SLC39A9: variants seen among roughly 807,000 people sequenced by gnomAD.
SLC39A9 encodes the protein solute carrier family 39 member 9.
SLC39A9 carries 14 observed loss-of-function variants against 28.4 expected under a neutral mutation model. The ratio of observed to expected loss-of-function variants is 0.49; its 90% confidence interval spans 0.33 to 0.77. The LOEUF (loss-of-function observed/expected upper bound fraction) is 0.77, where lower values mean the gene tolerates loss of function less well. SLC39A9 is among the 30% of genes least tolerant of loss of function. The probability of loss-of-function intolerance (pLI) is 0.02; values close to 1 mark genes in which losing one functional copy is unlikely to be tolerated. For synonymous variants in SLC39A9, 119 were observed against 149.6 expected (o/e 0.80, Z 1.49); for missense variants, 283 against 381.1 (o/e 0.74, Z 2.14).
intron 1 of SLC39A9, among the ~76,000 whole-genome samples, chr14:69,400,296 C>T (rs550097536): frequency 6.6e-6 from 1 of 152,190 alleles, no homozygotes; most frequent in Non-Finnish European, 1.5e-5. Flanking sequence ...AATCTATTTG[C>T]TTAGCAATGA....
chr14:69,437,594 G>GTT (rs533128992), intron 2 of SLC39A9, among the ~76,000 whole-genome samples: 442 of 143,432 alleles, frequency 3.1e-3, no homozygotes, highest in Middle Eastern at 7.2e-3. Context: ...TTTTTTGTTT[G>GTT]TTTTTTTTTT....
intron 1 of SLC39A9, among the ~76,000 whole-genome samples, chr14:69,406,933 C>G (rs1285428384): frequency 7.1e-6 from 1 of 140,246 alleles, no homozygotes; most frequent in Admixed American, 7.5e-5. Flanking sequence ...TCACTGCAAC[C>G]TCCCCTTCCC....
chr14:69,420,487 C>T (rs973148914), intron 1 of SLC39A9, among the ~76,000 whole-genome samples: 1 of 152,096 alleles, frequency 6.6e-6, no homozygotes, highest in African/African-American at 2.4e-5. Flanking sequence ...TGGGGTTGCT[C>T]TTCTCGAGGA....
intron 3 of SLC39A9, 102 bp from the exon 4 acceptor site, chr14:69,453,139 C>T: frequency 2.0e-6 from 2 of 993,494 alleles, no homozygotes; most frequent in Non-Finnish European, 3.1e-6. Flanking sequence ...GAGTTTGAGA[C>T]CAGCCTGGCC....
At chr14:69,451,857 A>C (rs912867986) in intron 3 of SLC39A9, among the ~76,000 whole-genome samples, 2 of 152,144 alleles carry the variant, frequency 1.3e-5, no homozygotes, top group African/African-American at 4.8e-5. Context: ...CTGGGACTAC[A>C]GGCATGCACC....
chr14:69,407,306 T>TC (rs1368864411), intron 1 of SLC39A9, among the ~76,000 whole-genome samples: 1 of 142,216 alleles, frequency 7.0e-6, no homozygotes, highest in Non-Finnish European at 1.5e-5. Flanking sequence ...TTCCTTCCCT[T>TC]CCTTCCTTCC....
chr14:69,453,585 G>C (rs1194966529), intron 4 of SLC39A9, among the ~76,000 whole-genome samples: 3 of 152,106 alleles, frequency 2.0e-5, no homozygotes, highest in South Asian at 4.1e-4. Flanking sequence ...TCAAATTAAG[G>C]AAGTTTTATT....
intron 1 of SLC39A9, among the ~76,000 whole-genome samples, chr14:69,405,165 A>G (rs1298150627): frequency 6.6e-6 from 1 of 152,152 alleles, no homozygotes; most frequent in Non-Finnish European, 1.5e-5. Context: ...GGGAACTACA[A>G]CTCAAGATGA....
chr14:69,449,021 G>C (rs1885475883), intron 3 of SLC39A9, among the ~76,000 whole-genome samples: 1 of 152,004 alleles, frequency 6.6e-6, no homozygotes, highest in Non-Finnish European at 1.5e-5. Flanking sequence ...CTTTACTGAA[G>C]GTTTAAAATT....
intron 2 of SLC39A9, among the ~76,000 whole-genome samples, chr14:69,427,717 T>C (rs999753039): frequency 6.6e-6 from 1 of 152,194 alleles, no homozygotes; most frequent in African/African-American, 2.4e-5. Flanking sequence ...ATAATGCATT[T>C]GAGGGTCAGT....
At position 69,460,616 on chromosome 14, in the gene SLC39A9, G is replaced by A. The variant is rs766240869; in HGVS notation, c.*2023G>A. On this transcript the variant is annotated 3_prime_UTR_variant, in exon 7 of 7. Transcript: ENST00000336643. ...GTGTGCAATGGTAATTTGTTCTACT[G>A]GCCAAAGCCTCTTTCAGCAGTGCCT... 3.0e-6 allele frequency: 3 copies of A among 985,412 alleles called. No individual in the cohort carries two copies. The highest frequency in any genetic ancestry group is 3.6e-6 in the Non-Finnish European group (3 of 829,934). The allele number at this position is 985,412 out of a possible 1,614,324, so 61.0% of individuals were successfully genotyped here.
chr14:69,429,593 C>G (rs1477752633), intron 2 of SLC39A9: 1 of 152,188 alleles, frequency 6.6e-6, no homozygotes, highest in Non-Finnish European at 1.5e-5. Flanking sequence ...TGCCTCACAC[C>G]TGTAGTCCCA....
At chr14:69,457,701 T>A (rs1885932988) in intron 6 of SLC39A9, among the ~76,000 whole-genome samples, 1 of 152,218 alleles carries the variant, frequency 6.6e-6, no homozygotes, top group African/African-American at 2.4e-5. Flanking sequence ...CCAAACCTGT[T>A]GAACCAGCAC....
Position 69,461,336 on chromosome 14 carries a change from T to C in SLC39A9, c.*2743T>C, listed in dbSNP as rs1886102963. On this transcript the variant is annotated 3_prime_UTR_variant, in exon 7 of 7. Coordinates refer to ENST00000336643, the MANE Select transcript of SLC39A9 (RefSeq NM_018375.5). ...CCATTCCCCTCACTTATTCTCCAGT[T>C]AATTGCTTGTCAGTTCCATTTCAAG... 9.2e-7 allele frequency: 1 copy of C among 1,081,344 alleles called. No homozygotes were observed. Among genetic ancestry groups the C allele is most frequent in the African/African-American group, 1.6e-5 (1 of 61,088 alleles). The allele number at this position is 1,081,344 out of a possible 1,614,324, so 67.0% of individuals were successfully genotyped here.
At chr14:69,420,666 G>T (rs1027422345) in intron 1 of SLC39A9, among the ~76,000 whole-genome samples, 1 of 152,124 alleles carries the variant, frequency 6.6e-6, no homozygotes, top group Non-Finnish European at 1.5e-5. Flanking sequence ...TTTTCACATA[G>T]TCCCATATTT....
intron 2 of SLC39A9, among the ~76,000 whole-genome samples, chr14:69,426,330 A>G (rs1279357179): frequency 1.3e-5 from 2 of 152,140 alleles, no homozygotes; most frequent in African/African-American, 2.4e-5. Flanking sequence ...GGTTCAGTCA[A>G]TTTGCAAGAG....
chr14:69,436,289 C>T (rs1411184766), intron 2 of SLC39A9, among the ~76,000 whole-genome samples: 1 of 152,086 alleles, frequency 6.6e-6, no homozygotes, highest in Non-Finnish European at 1.5e-5. Flanking sequence ...GCTTAGAGAA[C>T]ATAGTTAGAG....
Position 69,461,312 on chromosome 14 carries a change from C to T in SLC39A9, c.*2719C>T. 9.5e-7 allele frequency: 1 copy of T among 1,049,342 alleles called. No homozygotes were observed. Among genetic ancestry groups the T allele is most frequent in the Non-Finnish European group, 1.2e-6 (1 of 867,048 alleles). The allele number at this position is 1,049,342 out of a possible 1,614,324, so 65.0% of individuals were successfully genotyped here. On this transcript the variant is annotated 3_prime_UTR_variant, in exon 7 of 7. Coordinates refer to ENST00000336643, the MANE Select transcript of SLC39A9 (RefSeq NM_018375.5). Reference sequence around the variant, plus strand: ...ATTAAGTTAAAGAATACTACTGCTCCATTCCCCTCACTTATTCTCCAGTTA... The same window carrying T: ...ATTAAGTTAAAGAATACTACTGCTCTATTCCCCTCACTTATTCTCCAGTTA...
intron 2 of SLC39A9, 24 bp from the exon 3 acceptor site, chr14:69,442,045 T>C: frequency 6.3e-7 from 1 of 1,598,802 alleles, no homozygotes; most frequent in South Asian, 1.1e-5. Context: ...ACATATTTTC[T>C]CTTTATGGTT....
Sources: gnomAD v4.1 joint callset for allele counts (sites outside exome capture counted in the v4.1 genomes callset) on GRCh38, gnomAD v4.1.1 for gene constraint, MANE v1.5 for transcripts, NCBI Gene and HGNC (gene_info 2026-07-23, HGNC 2026-07-21) for gene names.